The following LMNTD1 variants were observed in gnomAD, a reference collection of about 807,000 sequenced individuals.
LMNTD1 encodes the protein lamin tail domain-containing protein 1.
A neutral mutation model predicts 50.9 loss-of-function variants in LMNTD1; 35 were observed. The ratio of observed to expected loss-of-function variants is 0.69; its 90% CI spans 0.53 to 0.91. The LOEUF is 0.91. Ranked by LOEUF, LMNTD1 falls within the 40% of genes least tolerant of loss-of-function variation. The probability of loss-of-function intolerance (pLI) is 0.00; values close to 1 mark genes in which losing one functional copy is unlikely to be tolerated. For missense variants in LMNTD1, 470 were observed against 475.5 expected, an observed-to-expected ratio of 0.99 and a Z score of 0.11; for synonymous variants, 153 against 161.9, an observed-to-expected ratio of 0.94 and a Z score of 0.42.
upstream of LMNTD1, among the ~76,000 whole-genome samples, chr12:25,556,753 T>A (rs1944060223): frequency 6.6e-6 from 1 of 152,164 alleles, no homozygotes; most frequent in Non-Finnish European, 1.5e-5. Flanking sequence ...AAATTAAAAG[T>A]GGCAAAATTC....
intron 1 of LMNTD1, among the ~76,000 whole-genome samples, chr12:25,570,525 G>A (rs1944744760): frequency 6.6e-6 from 1 of 152,052 alleles, no homozygotes; most frequent in South Asian, 2.1e-4. Flanking sequence ...GTACTTTTCT[G>A]GCATGCATCA....
chr12:25,491,451 G>A (rs1938880103), intron 9 of LMNTD1, among the ~76,000 whole-genome samples: 1 of 152,208 alleles, frequency 6.6e-6, no homozygotes, highest in Non-Finnish European at 1.5e-5. Context: ...GGTTGATGGA[G>A]CAACGTAACG....
rs1472891482 is a variant in LMNTD1 at position 25,518,974 on chromosome 12, A to G, written c.1017-7T>C. On this transcript the variant is annotated splice_polypyrimidine_tract_variant and splice_region_variant and intron_variant, in intron 7 of 9. Coordinates refer to ENST00000458174, the MANE Select transcript of LMNTD1 (RefSeq NM_001145728.2). ...TGGTGGGATTTCCTTCTCTCTGTAA[A>G]AGAAAAAAGCCTAAATGGAACTCAA... is the stretch of plus-strand genomic sequence containing the variant. The G allele has an allele frequency of 1.2e-6, 2 of 1,613,846 alleles. No individual in the cohort carries two copies. The highest frequency in any genetic ancestry group is 1.3e-5 in the African/African-American group (1 of 75,024).
At chr12:25,620,890 A>C (rs777670918) in intron 1 of LMNTD1, among the ~76,000 whole-genome samples, 2 of 152,186 alleles carry the variant, frequency 1.3e-5, no homozygotes, top group African/African-American at 4.8e-5. Context: ...AATCCCCACC[A>C]ACACTATGCA....
intron 1 of LMNTD1, among the ~76,000 whole-genome samples, chr12:25,601,971 T>C (rs1945988877): frequency 6.6e-6 from 1 of 151,978 alleles, no homozygotes; most frequent in Non-Finnish European, 1.5e-5. Flanking sequence ...AAATGTACAA[T>C]AAATTATTGT....
chr12:25,582,628 A>G (rs1945341400), intron 1 of LMNTD1, among the ~76,000 whole-genome samples: 1 of 152,258 alleles, frequency 6.6e-6, no homozygotes, highest in Non-Finnish European at 1.5e-5. Flanking sequence ...TTTTTAAAAT[A>G]TGACAACCTA....
intron 3 of LMNTD1, among the ~76,000 whole-genome samples, chr12:25,548,351 G>A (rs1943557823): frequency 6.6e-6 from 1 of 151,914 alleles, no homozygotes; most frequent in South Asian, 2.1e-4. Context: ...GGAGGCATCA[G>A]ATAGTCACTG....
chr12:25,544,388 C>G (rs921651423), intron 4 of LMNTD1, among the ~76,000 whole-genome samples: 2 of 151,810 alleles, frequency 1.3e-5, no homozygotes, highest in East Asian at 3.9e-4. Context: ...TACTCCTACT[C>G]TTTTTTGGTT....
chr12:25,508,578 T>G (rs1940004156), intron 8 of LMNTD1, among the ~76,000 whole-genome samples: 1 of 152,216 alleles, frequency 6.6e-6, no homozygotes, highest in Admixed American at 6.5e-5. Flanking sequence ...ATACAGTCAC[T>G]CAGACCATTA....
intron 1 of LMNTD1, among the ~76,000 whole-genome samples, chr12:25,614,488 A>C (rs533020759): frequency 6.6e-6 from 1 of 152,318 alleles, no homozygotes; most frequent in South Asian, 2.1e-4. Flanking sequence ...AACTGAGTTC[A>C]AGATTAGAGT....
intron 8 of LMNTD1, among the ~76,000 whole-genome samples, chr12:25,505,519 T>A (rs969895892): frequency 1.3e-5 from 2 of 152,168 alleles, no homozygotes; most frequent in African/African-American, 2.4e-5. Context: ...ATTCTTTTTT[T>A]AAAAAGTCCT....
intron 9 of LMNTD1, among the ~76,000 whole-genome samples, chr12:25,489,303 G>T (rs1256674720): frequency 1.3e-5 from 2 of 150,454 alleles, no homozygotes; most frequent in Non-Finnish European, 3.0e-5. Context: ...AGGACCCTCC[G>T]AGCCAGGTGT....
intron 9 of LMNTD1, among the ~76,000 whole-genome samples, chr12:25,483,358 GGCT>G (rs1938508001): frequency 1.3e-5 from 2 of 151,926 alleles, no homozygotes; most frequent in South Asian, 4.1e-4. Flanking sequence ...CAGGGGTTGA[GGCT>G]GCAGTGAGCT....
intron 8 of LMNTD1, among the ~76,000 whole-genome samples, chr12:25,506,764 AT>A (rs1939818039): frequency 6.6e-6 from 1 of 151,630 alleles, no homozygotes; most frequent in Non-Finnish European, 1.5e-5. Flanking sequence ...ACTATTTCAA[AT>A]TTTTATTGTG....
At chr12:25,559,373 A>T (rs1293777685) in intron 1 of LMNTD1, among the ~76,000 whole-genome samples, 1 of 151,822 alleles carries the variant, frequency 6.6e-6, no homozygotes, top group Non-Finnish European at 1.5e-5. Context: ...AAGGACATGA[A>T]CTCGTCCTTT....
At chr12:25,527,383 G>C (rs939786726) in intron 4 of LMNTD1, among the ~76,000 whole-genome samples, 1 of 151,502 alleles carries the variant, frequency 6.6e-6, no homozygotes, top group African/African-American at 2.4e-5. Flanking sequence ...AAAGATTTTT[G>C]AAAGGTAAAA....
intron 9 of LMNTD1, among the ~76,000 whole-genome samples, chr12:25,478,614 A>G (rs898246783): frequency 1.3e-5 from 2 of 152,070 alleles, no homozygotes; most frequent in African/African-American, 4.8e-5. Context: ...GTGAAACTCT[A>G]TCCCACTAAA....
intron 1 of LMNTD1, among the ~76,000 whole-genome samples, chr12:25,581,553 TATC>T (rs10570893): frequency 0.059 from 9,030 of 152,290 alleles, 442 homozygotes; most frequent in African/African-American, 0.13. Context: ...GATTAAACTT[TATC>T]ATCATAGGTA....
intron 3 of LMNTD1, chr12:25,547,195 C>A (rs1479367784): frequency 7.3e-6 from 7 of 964,740 alleles, no homozygotes; most frequent in Non-Finnish European, 8.6e-6. Flanking sequence ...CTGGACAAAT[C>A]TAATAATATA....
Sources: allele counts gnomAD v4.1 joint callset (sites outside exome capture counted in the v4.1 genomes callset), GRCh38; gene constraint gnomAD v4.1.1; transcripts MANE v1.5; gene names NCBI Gene and HGNC (gene_info 2026-07-23, HGNC 2026-07-21).